The following IDE variants were observed in gnomAD, a reference collection of about 807,000 sequenced individuals.
IDE encodes the protein insulin-degrading enzyme.
In IDE, 58 loss-of-function variants were observed where a neutral mutation model predicts 133.2. The observed-to-expected ratio is 0.44, with a 90% CI of 0.35 to 0.54. IDE has a LOEUF of 0.54. IDE is among the 20% of genes least tolerant of loss of function. IDE has a pLI of 0.00. For synonymous variants in IDE, 396 were observed against 421.3 expected, an observed-to-expected ratio of 0.94 and a Z score of 0.73; for missense variants, 981 against 1,234.0, an observed-to-expected ratio of 0.79 and a Z score of 3.07.
chr10:92,565,063 T>C (rs1466722537), intron 1 of IDE, among the ~76,000 whole-genome samples: 1 of 151,706 alleles, frequency 6.6e-6, no homozygotes, highest in Non-Finnish European at 1.5e-5. Context: ...CTGGCCAACA[T>C]GGTGAAACCC....
chr10:92,493,571 G>A (rs1039234279), intron 11 of IDE, among the ~76,000 whole-genome samples: 2 of 151,114 alleles, frequency 1.3e-5, no homozygotes, highest in Admixed American at 1.3e-4. Context: ...CTCAGGCTGT[G>A]CAGTAATGCT....
Position 92,573,919 on chromosome 10 carries a change from T to A in IDE, c.98+3A>T. The stretch of plus-strand genomic sequence containing the variant: ...GAGGGCCCGGGCGCTCCATTCCGCT[T>A]ACCCACACAGGCGCTCCGGAGGCGG... On this transcript the variant is annotated splice_donor_region_variant and intron_variant, in intron 1 of 24. Transcript: ENST00000265986. 1 of 1,461,508 alleles carries A rather than the reference T, an allele frequency of 6.8e-7. No homozygotes were observed. Among genetic ancestry groups the A allele is most frequent in the South Asian group, 1.4e-5 (1 of 72,726 alleles). The allele number at this position is 1,461,508 out of a possible 1,614,324, so 90.5% of individuals were successfully genotyped here. A position where few individuals can be genotyped will look rare whatever the true frequency, so the allele number is the denominator to read the frequency against.
chr10:92,523,701 T>TA (rs74263178), intron 4 of IDE, among the ~76,000 whole-genome samples: 4,458 of 117,048 alleles, frequency 0.038, 115 homozygotes, highest in Admixed American at 0.063. Context: ...GACTCAGTCT[T>TA]AAAAAAAAAA....
chr10:92,537,640 C>T (rs369701452), intron 1 of IDE, 90 bp from the exon 2 acceptor site: 3 of 924,516 alleles, frequency 3.2e-6, no homozygotes, highest in Admixed American at 2.7e-5. Flanking sequence ...AATACATCAT[C>T]AGATTTTTCT....
intron 21 of IDE, among the ~76,000 whole-genome samples, chr10:92,461,623 C>A (rs1446020709): frequency 6.6e-6 from 1 of 151,694 alleles, no homozygotes; most frequent in African/African-American, 2.4e-5. Context: ...CCCAAAGTGC[C>A]GGGATTATAG....
Position 92,482,371 on chromosome 10 carries a change from G to A in IDE, c.1739+884C>T, listed in dbSNP as rs74545892. Reference sequence around the variant, plus strand: ...AAAGGAAGACAAAGATGAATTGAAGGTGCACTGAGAAATTACTGCAATAGC... The same window carrying A: ...AAAGGAAGACAAAGATGAATTGAAGATGCACTGAGAAATTACTGCAATAGC... On this transcript the variant is annotated intron_variant, in intron 14 of 24. Transcript: ENST00000265986. Among the ~76,000 whole-genome samples the A allele has an allele frequency of 4.9e-3, 750 of 152,278 alleles. 8 individuals are homozygous for A. The highest frequency in any genetic ancestry group is 0.017 in the African/African-American group (713 of 41,550).
intron 17 of IDE, among the ~76,000 whole-genome samples, chr10:92,473,779 A>T (rs575196913): frequency 6.6e-6 from 1 of 152,222 alleles, no homozygotes; most frequent in Admixed American, 6.5e-5. Context: ...TCAGGAGTTC[A>T]AGACCAGCCT....
chr10:92,569,835 C>T (rs75798317), intron 1 of IDE, among the ~76,000 whole-genome samples: 2 of 152,104 alleles, frequency 1.3e-5, no homozygotes, highest in African/African-American at 2.4e-5. Flanking sequence ...TTATTCCGAG[C>T]GCAGTGGCTC....
chr10:92,488,769 T>A (rs1420036507), intron 12 of IDE, among the ~76,000 whole-genome samples: 2 of 143,612 alleles, frequency 1.4e-5, no homozygotes, highest in East Asian at 2.0e-4. Flanking sequence ...AGTACGAGAC[T>A]CTGTCTAAAA....
intron 12 of IDE, among the ~76,000 whole-genome samples, chr10:92,489,395 C>A (rs1418713209): frequency 6.6e-6 from 1 of 151,966 alleles, no homozygotes; most frequent in Non-Finnish European, 1.5e-5. Flanking sequence ...ACTAAAAATA[C>A]AAAAATTAGC....
intron 17 of IDE, among the ~76,000 whole-genome samples, chr10:92,471,614 C>T (rs1440206936): frequency 1.3e-5 from 2 of 152,084 alleles, no homozygotes; most frequent in Non-Finnish European, 2.9e-5. Context: ...ATACTTACCC[C>T]CTTGTCTCTC....
At chr10:92,566,230 G>A (rs1843540601) in intron 1 of IDE, among the ~76,000 whole-genome samples, 1 of 151,736 alleles carries the variant, frequency 6.6e-6, no homozygotes, top group African/African-American at 2.4e-5. Context: ...AGCCAGGTAT[G>A]GTGGTATGTG....
intron 14 of IDE, chr10:92,479,762 GGCTGT>G (rs1846500644): frequency 1.1e-5 from 2 of 188,662 alleles, no homozygotes; most frequent in Non-Finnish European, 2.2e-5. Context: ...CAAAATGCAT[GGCTGT>G]GCTTAGGCTA....
At chr10:92,460,133 A>C (rs994320621) in intron 22 of IDE, among the ~76,000 whole-genome samples, 1 of 152,156 alleles carries the variant, frequency 6.6e-6, no homozygotes, top group Non-Finnish European at 1.5e-5. Flanking sequence ...CACCACGCCC[A>C]GCCGGTGTGA....
intron 19 of IDE, among the ~76,000 whole-genome samples, chr10:92,468,060 G>T (rs1444300840): frequency 6.6e-6 from 1 of 152,234 alleles, no homozygotes; most frequent in Non-Finnish European, 1.5e-5. Context: ...TCCAGAGGTA[G>T]ATGTGATTAT....
chr10:92,549,116 G>A (rs528532604), intron 1 of IDE, among the ~76,000 whole-genome samples: 1 of 152,122 alleles, frequency 6.6e-6, no homozygotes, highest in East Asian at 1.9e-4. Flanking sequence ...AAATCAGCTG[G>A]GCATGGTGGC....
intron 1 of IDE, among the ~76,000 whole-genome samples, chr10:92,561,408 A>T (rs1010676580): frequency 1.3e-5 from 2 of 152,126 alleles, no homozygotes; most frequent in Non-Finnish European, 2.9e-5. Context: ...ATGATGTGAT[A>T]ATCTTCGTAA....
chr10:92,478,898 T>A, intron 15 of IDE: 1 of 422,982 alleles, frequency 2.4e-6, no homozygotes, highest in Non-Finnish European at 3.4e-6. Flanking sequence ...TCTGGATTTC[T>A]AGGGAAATAG....
At chr10:92,505,383 A>G (rs1236660195) in intron 10 of IDE, among the ~76,000 whole-genome samples, 1 of 150,752 alleles carries the variant, frequency 6.6e-6, no homozygotes, top group Non-Finnish European at 1.5e-5. Context: ...CCAGTGTAGA[A>G]AAACAATGCA....
Sources: gnomAD v4.1 joint callset for allele counts (sites outside exome capture counted in the v4.1 genomes callset) on GRCh38, gnomAD v4.1.1 for gene constraint, MANE v1.5 for transcripts, NCBI Gene and HGNC (gene_info 2026-07-23, HGNC 2026-07-21) for gene names.